Variants in TSHZ3 observed in about 807,000 individuals in gnomAD.
TSHZ3 encodes the protein teashirt zinc finger homeobox 3.
In TSHZ3, 10 loss-of-function variants were observed where a neutral mutation model predicts 64.5. The observed-to-expected ratio is 0.16, with a 90% CI of 0.10 to 0.26. The LOEUF is 0.26. TSHZ3 is among the 10% of genes least tolerant of loss of function. The pLI is 1.00. For synonymous variants in TSHZ3, 608 were observed against 593.1 expected, an observed-to-expected ratio of 1.03 and a Z score of -0.36; for missense variants, 1,242 against 1,421.7, an observed-to-expected ratio of 0.87 and a Z score of 2.03.
chr19:31,286,211 G>A (rs1976461222), intron 1 of TSHZ3, among the ~76,000 whole-genome samples: 1 of 152,170 alleles, frequency 6.6e-6, no homozygotes. Flanking sequence ...GAGTGCCAAG[G>A]ACACATTTCC....
At chr19:31,228,640 A>C (rs1427722993) in intron 3 of TSHZ3, among the ~76,000 whole-genome samples, 1 of 152,128 alleles carries the variant, frequency 6.6e-6, no homozygotes, top group Non-Finnish European at 1.5e-5. Context: ...CTTAGGGTCA[A>C]ACTTTCTTCC....
intron 4 of TSHZ3, among the ~76,000 whole-genome samples, chr19:31,218,210 T>C (rs1322125031): frequency 1.3e-5 from 2 of 152,170 alleles, no homozygotes; most frequent in African/African-American, 2.4e-5. Flanking sequence ...AATCACAGAA[T>C]AAACAATCCA....
rs768127082 is a variant in TSHZ3 at position 31,277,191 on chromosome 19, T to C, written c.2602A>G (p.Ile868Val). ...CCGTCAATGTCAGACTTCTCGGAGATGCTGGAAGGAGTGGAGGATTTTGAC... is the reference window on the plus strand; with the variant it reads ...CCGTCAATGTCAGACTTCTCGGAGACGCTGGAAGGAGTGGAGGATTTTGAC... ...HTSKSSTPSS[I>V]SEKSDIDGAT... is the part of the protein sequence containing the mutation. Residue 868 changes from isoleucine to valine, a missense_variant, in exon 2 of 2, where the codon ATC becomes GTC. This residue lies in a region of TSHZ3 where 550 missense variants were observed against 545.1 expected (regional missense o/e 1.01). Coordinates refer to ENST00000240587, the MANE Select transcript of TSHZ3 (RefSeq NM_020856.4). The surrounding 1 kb of genome is among the most constrained non-coding windows in gnomAD (Gnocchi z 4.5). The C allele has an allele frequency of 1.9e-6, 3 of 1,614,202 alleles. 1 individual carries two copies. Among genetic ancestry groups the C allele is most frequent in the Middle Eastern group, 3.3e-4 (2 of 6,060 alleles).
At chr19:31,284,599 C>T (rs1976422183) in intron 1 of TSHZ3, among the ~76,000 whole-genome samples, 1 of 152,178 alleles carries the variant, frequency 6.6e-6, no homozygotes. Context: ...GCCTCCTCTG[C>T]TGGAAACCCT....
intron 1 of TSHZ3, among the ~76,000 whole-genome samples, chr19:31,243,509 T>C (rs1975723302): frequency 6.6e-6 from 1 of 152,200 alleles, no homozygotes; most frequent in Non-Finnish European, 1.5e-5. Flanking sequence ...TATCATATAA[T>C]GCCCTGAACT....
chr19:31,278,701 A>T lies in TSHZ3; in HGVS notation c.1092T>A (p.Asn364Lys), dbSNP rs770806071. 1.7e-5 allele frequency: 27 copies of T among 1,613,856 alleles called. No homozygotes were observed. The highest frequency in any genetic ancestry group is 1.5e-5 in the Non-Finnish European group (18 of 1,180,014). Reference sequence around the variant, plus strand: ...TGGCCCCATTCTGGTGGCCGTACCGATTATTTGGCGTGATGTAAGGGTTGG... The same window carrying T: ...TGGCCCCATTCTGGTGGCCGTACCGTTTATTTGGCGTGATGTAAGGGTTGG... ...KNSNPYITPN[N>K]RYGHQNGASY... Residue 364 changes from asparagine to lysine, a missense_variant, in exon 2 of 2, where the codon AAT (asparagine) becomes AAA (lysine). Around this residue, in one of 4 missense-constraint regions of TSHZ3, gnomAD observed 555 missense variants for 704.0 expected, o/e 0.79. Coordinates refer to ENST00000240587, the MANE Select transcript of TSHZ3 (RefSeq NM_020856.4). This position sits in a 1 kb window ranked among gnomAD's most constrained non-coding sequence, Gnocchi z 4.7.
At chr19:31,268,143 T>G (rs1302844614) in intron 1 of TSHZ3, among the ~76,000 whole-genome samples, 1 of 152,198 alleles carries the variant, frequency 6.6e-6, no homozygotes, top group African/African-American at 2.4e-5. Flanking sequence ...CCTGCCACCA[T>G]GTAAGATGCG....
chr19:31,328,228 C>G (rs979567516), intron 1 of TSHZ3, among the ~76,000 whole-genome samples: 2 of 152,254 alleles, frequency 1.3e-5, no homozygotes, highest in Non-Finnish European at 2.9e-5. Context: ...TGCTGAAAAG[C>G]GAAGTGCTAG....
At position 31,279,714 on chromosome 19, in the gene TSHZ3, C is replaced by T; in HGVS notation, c.79G>A (p.Asp27Asn). ...SEELKAAALV[D>N]EGLDPEEHTA... ...TGCTCCTCTGGGTCTAAACCTTCGT[C>T]CACCAGGGCAGCAGCCTTTAACTCT... The change falls in exon 2 of 2, where the codon GAC (aspartate) becomes AAC (asparagine). Residue 27 changes from aspartate to asparagine, a missense_variant. This residue lies in a region of TSHZ3 where 555 missense variants were observed against 704.0 expected (regional missense o/e 0.79). Coordinates refer to ENST00000240587, the MANE Select transcript of TSHZ3 (RefSeq NM_020856.4). This position sits in a 1 kb window ranked among gnomAD's most constrained non-coding sequence, Gnocchi z 6.4. 6.5e-7 allele frequency: 1 copy of T among 1,526,790 alleles called. No individual in the cohort carries two copies. The highest frequency in any genetic ancestry group is 8.8e-7 in the Non-Finnish European group (1 of 1,136,898). 94.6% of individuals were successfully genotyped at this position (1,526,790 alleles called of 1,614,324 possible).
intron 5 of TSHZ3, among the ~76,000 whole-genome samples, chr19:31,175,238 C>T (rs376455930): frequency 3.9e-4 from 60 of 152,228 alleles, no homozygotes; most frequent in African/African-American, 1.3e-3. Context: ...TCTTACATTG[C>T]GCTTTCCTGT....
exon 7 of TSHZ3, among the ~76,000 whole-genome samples, chr19:31,150,818 T>C (rs906457186): frequency 6.6e-6 from 1 of 152,274 alleles, no homozygotes; most frequent in South Asian, 2.1e-4. Context: ...CACCATGGTG[T>C]GGTCTGTCCC....
At chr19:31,166,475 T>C (rs1385131500) in intron 5 of TSHZ3, among the ~76,000 whole-genome samples, 1 of 152,144 alleles carries the variant, frequency 6.6e-6, no homozygotes, top group Non-Finnish European at 1.5e-5. Flanking sequence ...AGCCAGGCCT[T>C]GGAGCAACTG....
Position 31,278,387 on chromosome 19 carries a change from T to C in TSHZ3, c.1406A>G (p.Glu469Gly), listed in dbSNP as rs143453460. Residue 469 changes from glutamate (E) to glycine (G), a missense_variant, in exon 2 of 2, where the codon GAG (glutamate) becomes GGG (glycine). Coordinates refer to ENST00000240587, the MANE Select transcript of TSHZ3 (RefSeq NM_020856.4). The surrounding 1 kb of genome is among the most constrained non-coding windows in gnomAD (Gnocchi z 4.7). The stretch of plus-strand genomic sequence containing the variant: ...CTCCTTGTCGACTTCCTTCTTGACC[T>C]CCACATTCAGTTTTGGGGAGATGCT... ...PASISPKLNVEVKKEVDKEKA... is the reference protein window; with the variant it reads ...PASISPKLNVGVKKEVDKEKA... The C allele has an allele frequency of 8.7e-3, 14,110 of 1,614,172 alleles. 84 individuals are homozygous for C. Among genetic ancestry groups the C allele is most frequent in the Middle Eastern group, 0.032 (197 of 6,062 alleles).
intron 1 of TSHZ3, among the ~76,000 whole-genome samples, chr19:31,338,110 C>T (rs1917308658): frequency 8.3e-6 from 1 of 120,810 alleles, no homozygotes; most frequent in Non-Finnish European, 1.9e-5. Context: ...CCTAGAGTTT[C>T]TGCTTTCCTT....
intron 4 of TSHZ3, among the ~76,000 whole-genome samples, chr19:31,215,671 G>C (rs145986968): frequency 0.015 from 2,234 of 152,294 alleles, 49 homozygotes; most frequent in African/African-American, 0.051. Context: ...AGGAGTTCAA[G>C]ACCAGCCTGA....
At chr19:31,226,489 G>T (rs1389528472) in intron 4 of TSHZ3, among the ~76,000 whole-genome samples, 1 of 152,068 alleles carries the variant, frequency 6.6e-6, no homozygotes, top group Non-Finnish European at 1.5e-5. Flanking sequence ...TGCCATGATT[G>T]TGAGGCCTCC....
chr19:31,169,110 A>G (rs1348082309), intron 5 of TSHZ3, among the ~76,000 whole-genome samples: 4 of 152,020 alleles, frequency 2.6e-5, no homozygotes, highest in Non-Finnish European at 4.4e-5. Flanking sequence ...TTTGAAGCAG[A>G]CATTGAAAAA....
Position 31,278,249 on chromosome 19 carries a change from C to T in TSHZ3, c.1544G>A (p.Ser515Asn). ...HYLTENDLEE[S>N]PKGGLDILKS... ...GAGGATATCAAGCCCCCCCTTGGGA[C>T]TCTCTTCTAAGTCATTTTCAGTCAA... Residue 515 changes from serine (S) to asparagine (N), a missense_variant, in exon 2 of 2, where the codon AGT (serine) becomes AAT (asparagine). By Grantham distance (46) the Ser-to-Asn change is conservative (BLOSUM62 1). Transcript: ENST00000240587. The surrounding 1 kb of genome is among the most constrained non-coding windows in gnomAD (Gnocchi z 4.7). The T allele has an allele frequency of 6.2e-7, 1 of 1,614,206 alleles. No individual in the cohort carries two copies. Among genetic ancestry groups the T allele is most frequent in the Non-Finnish European group, 8.5e-7 (1 of 1,180,034 alleles).
At chr19:31,233,243 G>T (rs899657687) in intron 3 of TSHZ3, among the ~76,000 whole-genome samples, 3 of 152,148 alleles carry the variant, frequency 2.0e-5, no homozygotes, top group Non-Finnish European at 4.4e-5. Context: ...GCTTGGTCTT[G>T]TCAGTCTGTT....
Sources: allele counts gnomAD v4.1 joint callset (sites outside exome capture counted in the v4.1 genomes callset), GRCh38; gene constraint gnomAD v4.1.1; regional missense constraint gnomAD v4.1.1; non-coding constraint Gnocchi (gnomAD v3.1); transcripts MANE v1.5; gene names NCBI Gene and HGNC (gene_info 2026-07-23, HGNC 2026-07-21).